The following RANBP3 variants were observed in gnomAD, a reference collection of about 807,000 sequenced individuals.
The protein encoded by RANBP3 is RAN binding protein 3.
RANBP3 carries 14 observed loss-of-function variants against 77.3 expected under a neutral mutation model. The ratio of observed to expected loss-of-function variants is 0.18; its 90% CI spans 0.12 to 0.28. The LOEUF (loss-of-function observed/expected upper bound fraction) is 0.28, where lower values mean the gene tolerates loss of function less well. Among genes scored for constraint, RANBP3 ranks in the 10% least tolerant of loss-of-function variants. The pLI is 1.00. For synonymous variants in RANBP3, 315 were observed against 312.4 expected (o/e 1.01, Z -0.09); for missense variants, 586 against 752.3 (o/e 0.78, Z 2.59).
chr19:5,932,332 T>C (rs7253733), intron 7 of RANBP3, 120 bp downstream of exon 7: 10,835 of 764,526 alleles, frequency 0.014, 308 homozygotes, highest in African/African-American at 0.062. Flanking sequence ...TTCCCTGATC[T>C]CTCTGTATTT....
intron 1 of RANBP3, 98 bp downstream of exon 1, chr19:5,977,963 T>G: frequency 6.6e-7 from 1 of 1,506,712 alleles, no homozygotes; most frequent in Non-Finnish European, 9.0e-7. Flanking sequence ...GACGAAACCC[T>G]TGCACTCTGC....
chr19:5,965,347 G>A (rs1478000312), intron 1 of RANBP3, among the ~76,000 whole-genome samples: 2 of 152,114 alleles, frequency 1.3e-5, no homozygotes, highest in African/African-American at 2.4e-5. Flanking sequence ...GGAGGAGGGC[G>A]GTTTCAACAG....
chr19:5,956,206 A>G (rs537699207), intron 2 of RANBP3, among the ~76,000 whole-genome samples: 1 of 152,234 alleles, frequency 6.6e-6, no homozygotes, highest in African/African-American at 2.4e-5. Flanking sequence ...TTTGTTTTAA[A>G]CTAAAAATGG....
intron 1 of RANBP3, among the ~76,000 whole-genome samples, chr19:5,962,027 GC>G (rs2058409521): frequency 6.6e-6 from 1 of 152,024 alleles, no homozygotes. Flanking sequence ...AGGCGTGCCT[GC>G]CCTGCTGCAC....
At chr19:5,923,939 G>A (rs760206020) in intron 11 of RANBP3, 25 bp from the exon 12 acceptor site, 3 of 1,569,566 alleles carry the variant, frequency 1.9e-6, no homozygotes, top group East Asian at 4.5e-5. Context: ...AAGCATACAA[G>A]GAAGAGGGCA....
At chr19:5,920,046 G>A (rs371507920) in intron 14 of RANBP3, among the ~76,000 whole-genome samples, 3 of 152,294 alleles carry the variant, frequency 2.0e-5, no homozygotes, top group East Asian at 3.9e-4. Flanking sequence ...AGTTACTGCT[G>A]GGCCTGAAAC....
rs2058095170 is a variant in RANBP3, at chr19:5,938,583, T to G, written c.406+3038A>C. ...GGCACATGCCTGTAATCCCAGCTAC[T>G]TGGGAGGCTGAGGCAGGAGAATTGC... On this transcript the variant is annotated intron_variant, in intron 5 of 16. Transcript: ENST00000340578. 1.3e-5 allele frequency among the ~76,000 whole-genome samples: 2 copies of G among 152,038 alleles called. 1 individual carries two copies. The highest frequency in any genetic ancestry group is 4.2e-4 in the South Asian group (2 of 4,814).
chr19:5,917,853 T>C lies in RANBP3; in HGVS notation c.1601A>G (p.Asn534Ser). ...PAPEPGAAPS[N>S]EEDDSDDDDV... The stretch of plus-strand genomic sequence containing the variant: ...GTCATCGTCGCTGTCGTCCTCCTCG[T>C]TGGATGGGGCTGCCCCAGGCTCAGG... The change falls in exon 16 of 17, where the codon AAC (asparagine) becomes AGC (serine). Residue 534 changes from asparagine to serine, a missense_variant. Coordinates refer to ENST00000340578, the MANE Select transcript of RANBP3 (RefSeq NM_007322.3). 1.9e-6 allele frequency: 3 copies of C among 1,612,858 alleles called. No individual in the cohort carries two copies. The highest frequency in any genetic ancestry group is 2.5e-6 in the Non-Finnish European group (3 of 1,179,900).
At position 5,952,975 on chromosome 19, in the gene RANBP3, T is replaced by A. The variant is rs1568470112; in HGVS notation, c.79-1379A>T. Among the ~76,000 whole-genome samples the A allele has an allele frequency of 6.6e-6, 1 of 152,118 alleles. No homozygotes were observed. Among genetic ancestry groups the A allele is most frequent in the Admixed American group, 6.6e-5 (1 of 15,264 alleles). ...GAGAAAAATTAAACCCAGAGCTCTG[T>A]GGGGGACTGCCTATCTCTAATTAGA... On this transcript the variant is annotated intron_variant, in intron 2 of 16. Coordinates refer to ENST00000340578, the MANE Select transcript of RANBP3 (RefSeq NM_007322.3). The surrounding 1 kb of genome is among the most constrained non-coding windows in gnomAD (Gnocchi z 4.1).
intron 3 of RANBP3, among the ~76,000 whole-genome samples, chr19:5,944,469 C>T (rs1394620586): frequency 1.3e-5 from 2 of 152,212 alleles, no homozygotes; most frequent in Non-Finnish European, 2.9e-5. Context: ...ATCTGCCCAC[C>T]CGGGCAGCCA....
At chr19:5,962,588 G>A (rs1298573051) in intron 1 of RANBP3, 5 of 450,652 alleles carry the variant, frequency 1.1e-5, no homozygotes, top group Admixed American at 7.1e-5. Context: ...AGAGGATACA[G>A]CAATAGGAGA....
intron 3 of RANBP3, among the ~76,000 whole-genome samples, chr19:5,949,655 T>C (rs1481416671): frequency 6.6e-6 from 1 of 152,236 alleles, no homozygotes; most frequent in Non-Finnish European, 1.5e-5. Context: ...CTCCCTGCCA[T>C]ACAGCTTCAC....
intron 13 of RANBP3, among the ~76,000 whole-genome samples, chr19:5,922,509 G>A (rs954966949): frequency 2.0e-5 from 3 of 152,230 alleles, no homozygotes; most frequent in Non-Finnish European, 4.4e-5. Context: ...GGACGGTGGG[G>A]TGGAACCTCT....
intron 1 of RANBP3, among the ~76,000 whole-genome samples, chr19:5,964,851 G>GT (rs1313911117): frequency 9.7e-6 from 1 of 103,342 alleles, no homozygotes; most frequent in Non-Finnish European, 2.1e-5. Flanking sequence ...AGGTGGTAGG[G>GT]TGGGGGGGGG....
chr19:5,947,084 C>T (rs1478361444), intron 3 of RANBP3, among the ~76,000 whole-genome samples: 3 of 152,076 alleles, frequency 2.0e-5, no homozygotes, highest in Non-Finnish European at 4.4e-5. Flanking sequence ...GAGGCCTGGG[C>T]GGGTGGATCA....
intron 1 of RANBP3, among the ~76,000 whole-genome samples, chr19:5,960,209 A>C (rs2058383003): frequency 6.6e-6 from 1 of 152,028 alleles, no homozygotes; most frequent in South Asian, 2.1e-4. Flanking sequence ...CCCAAAGCTA[A>C]CTCTGCCCCC....
intron 1 of RANBP3, among the ~76,000 whole-genome samples, chr19:5,972,820 C>T (rs1018004233): frequency 3.2e-4 from 48 of 152,230 alleles, no homozygotes; most frequent in South Asian, 8.3e-4. Flanking sequence ...TCTGCTCACT[C>T]TGACCACCTC....
intron 1 of RANBP3, among the ~76,000 whole-genome samples, chr19:5,974,078 T>C (rs372881167): frequency 1.3e-5 from 2 of 152,132 alleles, no homozygotes; most frequent in East Asian, 3.9e-4. Context: ...TCTGTTGTCA[T>C]GACGACCCCG....
chr19:5,968,859 C>G (rs1239047896), intron 1 of RANBP3, among the ~76,000 whole-genome samples: 1 of 152,252 alleles, frequency 6.6e-6, no homozygotes, highest in African/African-American at 2.4e-5. Context: ...GGCCGCAGCT[C>G]TCTACTGGGA....
Sources: allele counts gnomAD v4.1 joint callset (sites outside exome capture counted in the v4.1 genomes callset), GRCh38; gene constraint gnomAD v4.1.1; non-coding constraint Gnocchi (gnomAD v3.1); transcripts MANE v1.5; gene names NCBI Gene and HGNC (gene_info 2026-07-23, HGNC 2026-07-21).